Variants in CDH12 observed in about 807,000 individuals in gnomAD.
CDH12 encodes cadherin-12.
In CDH12, 41 loss-of-function variants were observed where a neutral mutation model predicts 74.1. The ratio of observed to expected loss-of-function variants is 0.55; its 90% confidence interval spans 0.43 to 0.72. CDH12 has a LOEUF of 0.72. Ranked by LOEUF, CDH12 falls within the 30% of genes least tolerant of loss-of-function variation. CDH12 has a pLI of 0.00. For missense variants in CDH12, 945 were observed against 977.2 expected (o/e 0.97, Z 0.44); for synonymous variants, 399 against 355.0 (o/e 1.12, Z -1.39).
At chr5:22,304,416 C>T (rs747054182) in intron 3 of CDH12, among the ~76,000 whole-genome samples, 5 of 152,114 alleles carry the variant, frequency 3.3e-5, no homozygotes, top group African/African-American at 9.7e-5. Context: ...TCTTGCTATG[C>T]ACTCTCAACT....
chr5:22,624,588 T>C (rs1738170616), intron 1 of CDH12, among the ~76,000 whole-genome samples: 1 of 152,032 alleles, frequency 6.6e-6, no homozygotes, highest in African/African-American at 2.4e-5. Context: ...ATCAGAGAAA[T>C]GCAAATCAAA....
chr5:22,170,537 T>TTAACTTACATATAAGCTTCTTATATA (rs1748957394), intron 4 of CDH12, among the ~76,000 whole-genome samples: 1 of 150,898 alleles, frequency 6.6e-6, no homozygotes, highest in African/African-American at 2.4e-5. Flanking sequence ...AAATGATGAG[T>TTAACTTACATATAAGCTTCTTATATA]TAACTTACAT....
chr5:22,770,338 T>A (rs1438793535), intron 1 of CDH12, among the ~76,000 whole-genome samples: 1 of 152,172 alleles, frequency 6.6e-6, no homozygotes, highest in East Asian at 1.9e-4. Context: ...CTCTGACTCC[T>A]CTTTTTATCA....
intron 13 of CDH12, among the ~76,000 whole-genome samples, chr5:21,759,400 T>G (rs1744586667): frequency 6.6e-6 from 1 of 151,592 alleles, no homozygotes; most frequent in Admixed American, 6.6e-5. Flanking sequence ...ATGCAAACCA[T>G]GTCTCTCCCT....
intron 6 of CDH12, among the ~76,000 whole-genome samples, chr5:21,973,618 T>C (rs920594282): frequency 2.0e-5 from 3 of 152,194 alleles, no homozygotes; most frequent in African/African-American, 7.2e-5. Context: ...AAGGAAGCTG[T>C]TTTGGTACTA....
At chr5:22,720,717 G>A (rs1743836562) in intron 1 of CDH12, among the ~76,000 whole-genome samples, 1 of 152,116 alleles carries the variant, frequency 6.6e-6, no homozygotes, top group African/African-American at 2.4e-5. Context: ...TGACCAAAAT[G>A]CTGTTAGTGA....
At chr5:22,607,260 G>A (rs1737165495) in intron 1 of CDH12, among the ~76,000 whole-genome samples, 1 of 152,196 alleles carries the variant, frequency 6.6e-6, no homozygotes, top group African/African-American at 2.4e-5. Context: ...AAACAATGAG[G>A]AATATGTCTC....
chr5:22,718,246 C>G (rs1743686272), intron 1 of CDH12, among the ~76,000 whole-genome samples: 1 of 152,168 alleles, frequency 6.6e-6, no homozygotes, highest in Non-Finnish European at 1.5e-5. Flanking sequence ...TGAAAAAATT[C>G]AATGGCAAAC....
chr5:22,796,998 T>C (rs1187262180), intron 1 of CDH12, among the ~76,000 whole-genome samples: 1 of 152,076 alleles, frequency 6.6e-6, no homozygotes. Context: ...GTCTTATCCA[T>C]GTCAAAAATA....
chr5:22,583,339 TAA>T (rs1314442264), intron 1 of CDH12, among the ~76,000 whole-genome samples: 1 of 152,210 alleles, frequency 6.6e-6, no homozygotes, highest in Non-Finnish European at 1.5e-5. Flanking sequence ...AAAATGCTGT[TAA>T]TAGGCATGAT....
chr5:22,015,296 G>T (rs1428537286), intron 5 of CDH12, among the ~76,000 whole-genome samples: 14 of 152,004 alleles, frequency 9.2e-5, no homozygotes, highest in East Asian at 1.9e-4. Flanking sequence ...TATTTGTGTG[G>T]TTTTTTTCAC....
chr5:22,766,195 A>G (rs1746506802), intron 1 of CDH12, among the ~76,000 whole-genome samples: 1 of 152,076 alleles, frequency 6.6e-6, no homozygotes, highest in Non-Finnish European at 1.5e-5. Context: ...TAAACAATTT[A>G]GAAAATAATT....
At chr5:22,687,067 G>C (rs957293988) in intron 1 of CDH12, among the ~76,000 whole-genome samples, 1 of 152,018 alleles carries the variant, frequency 6.6e-6, no homozygotes, top group Non-Finnish European at 1.5e-5. Flanking sequence ...AGGCTAAGGC[G>C]CGTGGATCAC....
At position 22,450,824 on chromosome 5, in the gene CDH12, T is replaced by A. The variant is rs144224904; in HGVS notation, c.-427-45473A>T. 2.4e-3 allele frequency among the ~76,000 whole-genome samples: 368 copies of A among 151,388 alleles called. 1 individual carries two copies. The highest frequency in any genetic ancestry group is 8.3e-3 in the African/African-American group (344 of 41,334). On this transcript the variant is annotated intron_variant, in intron 2 of 14. Coordinates refer to ENST00000382254, the MANE Select transcript of CDH12 (RefSeq NM_004061.5). ...AAAGATCTGCTTACCACAAGTAGAG[T>A]TCCCTGCCAAAATTCTCCTGTCTCC...
At chr5:22,314,614 G>A (rs577333963) in intron 3 of CDH12, among the ~76,000 whole-genome samples, 1 of 152,250 alleles carries the variant, frequency 6.6e-6, no homozygotes, top group South Asian at 2.1e-4. Flanking sequence ...GAATATACAT[G>A]GTTTTAGATG....
At chr5:22,395,906 G>T (rs1036332837) in intron 3 of CDH12, among the ~76,000 whole-genome samples, 1 of 152,048 alleles carries the variant, frequency 6.6e-6, no homozygotes, top group African/African-American at 2.4e-5. Flanking sequence ...AGTCAGTAAG[G>T]ATATGTGGTT....
intron 6 of CDH12, among the ~76,000 whole-genome samples, chr5:21,899,384 C>A (rs1579931877): frequency 2.0e-5 from 3 of 152,214 alleles, no homozygotes; most frequent in Non-Finnish European, 4.4e-5. Context: ...AAAATAGATA[C>A]TTGATACAAT....
chr5:22,027,433 C>G (rs1738443378), intron 5 of CDH12, among the ~76,000 whole-genome samples: 1 of 152,144 alleles, frequency 6.6e-6, no homozygotes, highest in South Asian at 2.1e-4. Context: ...GGCTGTAAAT[C>G]CATCTGGTCC....
At position 22,153,848 on chromosome 5, in the gene CDH12, A is replaced by ATGTGTGTG. The variant is rs202179631; in HGVS notation, c.-187+58642_-187+58649dup. Among the ~76,000 whole-genome samples the ATGTGTGTG allele has an allele frequency of 2.3e-3, 298 of 130,768 alleles. 2 individuals carry two copies. The highest frequency in any genetic ancestry group is 3.4e-3 in the Non-Finnish European group (214 of 62,068). 85.8% of individuals were successfully genotyped at this position (130,768 alleles called of 152,430 possible). On this transcript the variant is annotated intron_variant, in intron 4 of 14. Coordinates refer to ENST00000382254, the MANE Select transcript of CDH12 (RefSeq NM_004061.5). ...AAGAAAAGGTTATATATATACATAT[A>ATGTGTGTG]TGTGTGTGTGTATATATATATATGT...
Sources: gnomAD v4.1 joint callset for allele counts (sites outside exome capture counted in the v4.1 genomes callset) on GRCh38, gnomAD v4.1.1 for gene constraint, MANE v1.5 for transcripts, NCBI Gene and HGNC (gene_info 2026-07-23, HGNC 2026-07-21) for gene names.